The following ADGRF3 variants were observed in gnomAD, a reference collection of about 807,000 sequenced individuals.
ADGRF3 encodes the protein adhesion G protein-coupled receptor F3.
Under a neutral mutation model 93.2 loss-of-function variants are expected in ADGRF3, and 85 were observed. The observed-to-expected ratio is 0.91, with a 90% confidence interval of 0.77 to 1.09. ADGRF3 has a LOEUF of 1.09. ADGRF3 is among the 50% of genes least tolerant of loss of function. The pLI is 0.00. For missense variants in ADGRF3, 1,125 were observed against 1,246.2 expected (o/e 0.90, Z 1.46); for synonymous variants, 534 against 532.5 (o/e 1.00, Z -0.04).
chr2:26,317,654 C>T, intron 1 of ADGRF3, 92 bp from the exon 2 acceptor site: 7 of 1,139,030 alleles, frequency 6.1e-6, no homozygotes, highest in South Asian at 5.4e-5. Context: ...GACTCAGTCT[C>T]AACCAGCTCT....
Position 26,311,762 on chromosome 2 carries a change from T to C in ADGRF3, c.1762A>G (p.Ser588Gly). The C allele has an allele frequency of 1.2e-6, 2 of 1,613,630 alleles. No homozygotes were observed. The highest frequency in any genetic ancestry group is 2.2e-5 in the South Asian group (2 of 91,002). Residue 588 changes from serine (S) to glycine (G), a missense_variant, in exon 10 of 14, where the codon AGC becomes GGC. Ser to Gly is a moderately conservative substitution (Grantham distance 56). Coordinates refer to ENST00000651242, the MANE Select transcript of ADGRF3 (RefSeq NM_001321971.2). ...VRNGTEISIT[S>G]LVLRKLDHLL... ...TGGTCCAGTTTTCGCAGCACCAGGC[T>C]AGTAATACTTATTTCAGTTCCATTA...
chr2:26,314,527 G>C lies in ADGRF3; in HGVS notation c.815C>G (p.Pro272Arg), dbSNP rs755543095. The C allele has an allele frequency of 6.2e-7, 1 of 1,613,904 alleles. No individual in the cohort carries two copies. Among genetic ancestry groups the C allele is most frequent in the Non-Finnish European group, 8.5e-7 (1 of 1,179,894 alleles). ...PLKATDVARL[P>R]YQLSISCATS... ...GGCACAGGAGATGGACAGCTGGTAT[G>C]GAAGTCGAGCCACATCTGTCGCCTT... The change falls in exon 6 of 14, where the codon CCA becomes CGA. Residue 272 changes from proline (P) to arginine (R), a missense_variant. By Grantham distance (103) the Pro-to-Arg change is moderately radical. Transcript: ENST00000651242.
chr2:26,321,477 C>G (rs561496347), intron 1 of ADGRF3, among the ~76,000 whole-genome samples: 90 of 152,150 alleles, frequency 5.9e-4, no homozygotes, highest in Non-Finnish European at 1.2e-3. Flanking sequence ...CTAGACTATG[C>G]TCAACAGGGT....
At chr2:26,346,076 C>T (rs771943410) in intron 1 of ADGRF3, 45 bp downstream of exon 1, 1 of 1,531,330 alleles carries the variant, frequency 6.5e-7, no homozygotes, top group Non-Finnish European at 8.8e-7. Context: ...CCGAAGGGGC[C>T]GAGGCGGCTA....
intron 11 of ADGRF3, 40 bp downstream of exon 11, chr2:26,310,155 CG>C: frequency 6.2e-7 from 1 of 1,613,730 alleles, no homozygotes; most frequent in African/African-American, 1.3e-5. Context: ...CCCCGGCCTG[CG>C]GGCTGCAAGT....
chr2:26,315,994 T>TG (rs143645740), intron 4 of ADGRF3, among the ~76,000 whole-genome samples: 20,243 of 152,192 alleles, frequency 0.13, 2,938 homozygotes, highest in African/African-American at 0.37. Context: ...CCAGGTATCC[T>TG]GGGCTACTGG....
rs142805027 is a variant in ADGRF3 at position 26,336,840 on chromosome 2, T to C, written c.114+9281A>G. On this transcript the variant is annotated intron_variant, in intron 1 of 13. Coordinates refer to ENST00000651242, the MANE Select transcript of ADGRF3 (RefSeq NM_001321971.2). Reference sequence around the variant, plus strand: ...AACCCCAGTAAGTTATGTCTGAAAGTGTCCATTTGACTCAGCATCAAAGAG... The same window carrying C: ...AACCCCAGTAAGTTATGTCTGAAAGCGTCCATTTGACTCAGCATCAAAGAG... 5.4e-4 allele frequency among the ~76,000 whole-genome samples: 81 copies of C among 150,662 alleles called. 4 individuals are homozygous for C. In the East Asian group the frequency reaches 0.016, roughly 29 times the overall value.
chr2:26,310,801 A>T lies in ADGRF3; in HGVS notation c.2723T>A (p.Leu908His). The change falls in exon 10 of 14, where the codon CTC (leucine) becomes CAC (histidine). Residue 908 changes from leucine to histidine, a missense_variant. Leu to His is a moderately conservative substitution (Grantham distance 99). Transcript: ENST00000651242. ...GAGGCCAAAGATGGGTGTAAGAATG[A>T]GCAGGGCTTTGATCACCCCCAGCAG... ...QALLGVIKAL[L>H]ILTPIFGLTW... 1 of 1,613,802 alleles carries T rather than the reference A, an allele frequency of 6.2e-7. No individual in the cohort carries two copies. Among genetic ancestry groups the T allele is most frequent in the South Asian group, 1.1e-5 (1 of 91,048 alleles).
In ADGRF3 at chr2:26,311,839, C is replaced by T. The variant is rs565818489; in HGVS notation, c.1685G>A (p.Arg562Gln). 34 of 1,613,764 alleles carry T rather than the reference C, an allele frequency of 2.1e-5. No homozygotes were observed. The highest frequency in any genetic ancestry group is 8.0e-5 in the African/African-American group (6 of 75,020). ...PADYSISFPT[R>Q]PPLQAQIPRH... The stretch of plus-strand genomic sequence containing the variant: ...GGGAATCTGAGCCTGCAGTGGGGGC[C>T]GAGTAGGGAAGGAGATGCTGTAGTC... Residue 562 changes from arginine to glutamine, a missense_variant, in exon 10 of 14, where the codon CGG becomes CAG. Arg to Gln is a conservative substitution (Grantham distance 43, BLOSUM62 1). Transcript: ENST00000651242.
intron 1 of ADGRF3, among the ~76,000 whole-genome samples, chr2:26,331,792 G>C (rs1444267406): frequency 6.6e-6 from 1 of 151,680 alleles, no homozygotes; most frequent in Non-Finnish European, 1.5e-5. Flanking sequence ...TTAGATATCT[G>C]TTATAAATAG....
chr2:26,345,864 C>T (rs909804167), intron 1 of ADGRF3: 5 of 485,652 alleles, frequency 1.0e-5, no homozygotes, highest in African/African-American at 8.0e-5. Context: ...CCTTTCACCC[C>T]CTCTCTTGCC....
chr2:26,316,183 C>T (rs770386580), intron 4 of ADGRF3, 92 bp downstream of exon 4: 104 of 1,340,762 alleles, frequency 7.8e-5, no homozygotes, highest in Non-Finnish European at 9.9e-5. Flanking sequence ...CTTGGACCAG[C>T]TGGCCAAACT....
chr2:26,317,377 T>C (rs1469908532), intron 2 of ADGRF3, 119 bp downstream of exon 2: 5 of 961,594 alleles, frequency 5.2e-6, no homozygotes, highest in Non-Finnish European at 6.4e-6. Context: ...GAGCCAGTCC[T>C]CTCTCTCCGC....
chr2:26,310,792 G>A lies in ADGRF3; in HGVS notation c.2732C>T (p.Thr911Ile). 3 of 1,613,792 alleles carry A rather than the reference G, an allele frequency of 1.9e-6. No individual in the cohort carries two copies. The highest frequency in any genetic ancestry group is 1.1e-5 in the South Asian group (1 of 91,038). The change falls in exon 10 of 14, where the codon ACA becomes ATA. Residue 911 changes from threonine to isoleucine, a missense_variant. Thr to Ile is a moderately conservative substitution (Grantham distance 89). Coordinates refer to ENST00000651242, the MANE Select transcript of ADGRF3 (RefSeq NM_001321971.2). ...LGVIKALLIL[T>I]PIFGLTWGLG... ...CCCCCAGGTGAGGCCAAAGATGGGT[G>A]TAAGAATGAGCAGGGCTTTGATCAC...
intron 13 of ADGRF3, 199 bp downstream of exon 13, chr2:26,309,327 T>C: frequency 1.3e-6 from 2 of 1,488,802 alleles, no homozygotes; most frequent in East Asian, 4.9e-5. Flanking sequence ...TAAGGTGCTA[T>C]GCTTTCTGCT....
intron 1 of ADGRF3, among the ~76,000 whole-genome samples, chr2:26,321,612 G>A (rs1320350051): frequency 2.6e-5 from 4 of 152,150 alleles, no homozygotes; most frequent in Admixed American, 1.3e-4. Flanking sequence ...ACAGCCTCCA[G>A]TGGAGGGAAG....
chr2:26,323,087 C>T (rs756590727), intron 1 of ADGRF3, among the ~76,000 whole-genome samples: 11 of 151,972 alleles, frequency 7.2e-5, no homozygotes, highest in Non-Finnish European at 1.3e-4. Context: ...TGCAGTGAGC[C>T]GAGATTGCAC....
chr2:26,346,526 C>G lies in ADGRF3; in HGVS notation c.-292G>C. 1 of 460,554 alleles carries G rather than the reference C, an allele frequency of 2.2e-6. No individual in the cohort carries two copies. The highest frequency in any genetic ancestry group is 3.8e-6 in the Non-Finnish European group (1 of 262,020). The allele number at this position is 460,554 out of a possible 1,614,324, so 28.5% of individuals were successfully genotyped here. ...AGATTTCCTTTTCCTTAGGAGAGCG[C>G]TCAGTGATCATGGAGCGAGGGAATT... On this transcript the variant is annotated 5_prime_UTR_variant, in exon 1 of 14. Coordinates refer to ENST00000651242, the MANE Select transcript of ADGRF3 (RefSeq NM_001321971.2).
At chr2:26,339,421 G>A (rs975102227) in intron 1 of ADGRF3, among the ~76,000 whole-genome samples, 13 of 149,938 alleles carry the variant, frequency 8.7e-5, no homozygotes, top group African/African-American at 2.0e-4. Context: ...GCTTGATCCC[G>A]GGAGGCAGAG....
Sources: allele counts gnomAD v4.1 joint callset (sites outside exome capture counted in the v4.1 genomes callset), GRCh38; gene constraint gnomAD v4.1.1; transcripts MANE v1.5; gene names NCBI Gene and HGNC (gene_info 2026-07-23, HGNC 2026-07-21).